PLXNA2: variants seen among roughly 807,000 people sequenced by gnomAD.
PLXNA2 encodes plexin A2.
PLXNA2 carries 91 observed loss-of-function variants against 193.5 expected under a neutral mutation model. The ratio of observed to expected loss-of-function variants is 0.47; its 90% CI spans 0.40 to 0.56. The LOEUF (loss-of-function observed/expected upper bound fraction) is 0.56. PLXNA2 is among the 20% of genes least tolerant of loss of function. The pLI is 0.00. For missense variants in PLXNA2, 1,995 were observed against 2,503.2 expected (o/e 0.80, Z 4.33); for synonymous variants, 997 against 1,027.3 (o/e 0.97, Z 0.56).
intron 3 of PLXNA2, among the ~76,000 whole-genome samples, chr1:208,204,747 C>T (rs1197555754): frequency 6.6e-6 from 1 of 152,186 alleles, no homozygotes; most frequent in African/African-American, 2.4e-5. Flanking sequence ...AAGGCCCCTG[C>T]CCTCAAAGAT....
intron 1 of PLXNA2, among the ~76,000 whole-genome samples, chr1:208,231,004 C>T (rs73082032): frequency 0.014 from 2,105 of 152,268 alleles, 53 homozygotes; most frequent in African/African-American, 0.048. Flanking sequence ...TAGAGACACT[C>T]GGCCTGAAGG....
At chr1:208,235,875 G>A (rs1350903926) in intron 1 of PLXNA2, among the ~76,000 whole-genome samples, 1 of 152,304 alleles carries the variant, frequency 6.6e-6, no homozygotes, top group Non-Finnish European at 1.5e-5. Flanking sequence ...CACTCAGAGT[G>A]GGGCGGTAGA....
chr1:208,118,576 C>G, intron 4 of PLXNA2, among the ~76,000 whole-genome samples: 1 of 151,956 alleles, frequency 6.6e-6, no homozygotes. Context: ...CACTTTGCAG[C>G]CTCCCCTCAC....
Position 208,098,985 on chromosome 1 carries a change from A to G in PLXNA2, c.1608-16T>C, listed in dbSNP as rs1030278470. 1 of 1,612,276 alleles carries G rather than the reference A, an allele frequency of 6.2e-7. No individual in the cohort carries two copies. Among genetic ancestry groups the G allele is most frequent in the African/African-American group, 1.3e-5 (1 of 74,896 alleles). On this transcript the variant is annotated splice_polypyrimidine_tract_variant and intron_variant, in intron 5 of 31. Transcript: ENST00000367033. ...GCGGGAGCACCTGCCATAAACACAG[A>G]TTCACAAGAGGTCAGGCCTCTGGGA... is the stretch of plus-strand genomic sequence containing the variant.
At chr1:208,076,879 A>G (rs1373539312) in intron 12 of PLXNA2, among the ~76,000 whole-genome samples, 2 of 152,194 alleles carry the variant, frequency 1.3e-5, no homozygotes, top group Non-Finnish European at 2.9e-5. Context: ...TACTGTGGTT[A>G]TGTAAGATGT....
intron 31 of PLXNA2, 26 bp downstream of exon 31, chr1:208,027,983 C>A: frequency 6.5e-7 from 1 of 1,527,984 alleles, no homozygotes; most frequent in Non-Finnish European, 8.8e-7. Flanking sequence ...CTGTTGGTTT[C>A]TGTCCCTGCT....
intron 3 of PLXNA2, among the ~76,000 whole-genome samples, chr1:208,144,256 A>G (rs12568656): frequency 0.12 from 18,815 of 152,162 alleles, 1,596 homozygotes; most frequent in Admixed American, 0.25. Context: ...GCATGGATGG[A>G]TGGATGGATG....
At chr1:208,226,446 C>T (rs1361328975) in intron 1 of PLXNA2, among the ~76,000 whole-genome samples, 1 of 152,136 alleles carries the variant, frequency 6.6e-6, no homozygotes, top group African/African-American at 2.4e-5. Flanking sequence ...TTTGTCCTCT[C>T]CACTCACAGG....
At chr1:208,165,372 C>A (rs1005408940) in intron 3 of PLXNA2, among the ~76,000 whole-genome samples, 4 of 152,138 alleles carry the variant, frequency 2.6e-5, no homozygotes, top group African/African-American at 9.7e-5. Flanking sequence ...TCACAGCATG[C>A]CTGTGAGGTG....
At chr1:208,071,149 G>A (rs1168135078) in intron 12 of PLXNA2, among the ~76,000 whole-genome samples, 1 of 152,216 alleles carries the variant, frequency 6.6e-6, no homozygotes, top group Non-Finnish European at 1.5e-5. Flanking sequence ...GGATACAGGA[G>A]AAACTAATGT....
At chr1:208,208,528 C>A (rs1010335950) in intron 3 of PLXNA2, among the ~76,000 whole-genome samples, 14 of 152,186 alleles carry the variant, frequency 9.2e-5, no homozygotes, top group Admixed American at 9.2e-4. Flanking sequence ...AGTGAACACT[C>A]GGTGACAGGA....
At chr1:208,042,051 A>G (rs1385568156) in intron 22 of PLXNA2, 47 bp downstream of exon 22, 4 of 1,590,476 alleles carry the variant, frequency 2.5e-6, no homozygotes, top group Non-Finnish European at 1.7e-6. Context: ...TGCTCTGTCC[A>G]GGTTCAGACT....
Position 208,215,840 on chromosome 1 carries a change from G to A in PLXNA2, c.1188+895C>T, listed in dbSNP as rs532308047. Among the ~76,000 whole-genome samples, 8 of 152,266 alleles carry A rather than the reference G, an allele frequency of 5.3e-5. No homozygotes were observed. The East Asian group carries it at 5.8e-4, about 11-fold the overall frequency. On this transcript the variant is annotated intron_variant, in intron 2 of 31. Coordinates refer to ENST00000367033, the MANE Select transcript of PLXNA2 (RefSeq NM_025179.4). ...TACTTTGATGGCAGCACCATGAGCC[G>A]CTGACAGGGCAGTGCTTGCCACTGA...
At chr1:208,183,075 A>G (rs969214539) in intron 3 of PLXNA2, among the ~76,000 whole-genome samples, 1 of 152,174 alleles carries the variant, frequency 6.6e-6, no homozygotes, top group African/African-American at 2.4e-5. Flanking sequence ...TAGGGAGGGA[A>G]AGTTCCTCTG....
chr1:208,043,126 G>A lies in PLXNA2; in HGVS notation c.3952C>T (p.Arg1318Cys), dbSNP rs371220095. Residue 1318 changes from arginine to cysteine, a missense_variant, in exon 21 of 32, where the codon CGT (arginine) becomes TGT (cysteine). Physicochemically the swap from Arg to Cys is radical, Grantham distance 180. Coordinates refer to ENST00000367033, the MANE Select transcript of PLXNA2 (RefSeq NM_025179.4). ...AACAGGACTCGCATAGCGTAGGTAC[G>A]ATAGTCCAGGTAAGGGATTCCTGAG... Reference protein sequence around the residue: ...DRSGIPYLDYRTYAMRVLFPG... With the variant: ...DRSGIPYLDYCTYAMRVLFPG... 31 of 1,614,124 alleles carry A rather than the reference G, an allele frequency of 1.9e-5. No homozygotes were observed. The highest frequency in any genetic ancestry group is 1.7e-5 in the Admixed American group (1 of 60,030).
At chr1:208,237,679 C>A (rs1020373715) in intron 1 of PLXNA2, among the ~76,000 whole-genome samples, 2 of 152,182 alleles carry the variant, frequency 1.3e-5, no homozygotes, top group Non-Finnish European at 2.9e-5. Flanking sequence ...ACCTCTGAGT[C>A]TCTCCTGGAA....
Position 208,023,820 on chromosome 1 carries a change from C to G in PLXNA2, c.*3423G>C, listed in dbSNP as rs966770461. The G allele has an allele frequency of 3.9e-5, 6 of 152,280 alleles. No homozygotes were observed. Among genetic ancestry groups the G allele is most frequent in the African/African-American group, 1.4e-4 (6 of 41,468 alleles). 9.4% of individuals were successfully genotyped at this position (152,280 alleles called of 1,614,324 possible). A position where few individuals can be genotyped will look rare whatever the true frequency, so the allele number is the denominator to read the frequency against. On this transcript the variant is annotated 3_prime_UTR_variant, in exon 32 of 32. Transcript: ENST00000367033. ...CATCTCTAGAGCAGTGGCTGGCAGA[C>G]AGTGGCTACTCAAGAAGGTTCCCAG...
At position 208,039,774 on chromosome 1, in the gene PLXNA2, G is replaced by C; in HGVS notation, c.4354-7C>G. 6.2e-7 allele frequency: 1 copy of C among 1,614,028 alleles called. No homozygotes were observed. The highest frequency in any genetic ancestry group is 8.5e-7 in the Non-Finnish European group (1 of 1,179,982). ...GTGGCTCCCCTGCGCACTCCTGTGG[G>C]CACAGACAGGGCAGGAGGTGTGGGC... On this transcript the variant is annotated splice_region_variant and splice_polypyrimidine_tract_variant and intron_variant, in intron 23 of 31. Coordinates refer to ENST00000367033, the MANE Select transcript of PLXNA2 (RefSeq NM_025179.4).
intron 4 of PLXNA2, among the ~76,000 whole-genome samples, chr1:208,118,088 T>C (rs996428389): frequency 6.6e-6 from 1 of 152,098 alleles, no homozygotes; most frequent in Non-Finnish European, 1.5e-5. Flanking sequence ...AGCACGTGGG[T>C]TGGGCACGAT....
Sources: allele counts gnomAD v4.1 joint callset (sites outside exome capture counted in the v4.1 genomes callset), GRCh38; gene constraint gnomAD v4.1.1; transcripts MANE v1.5; gene names NCBI Gene and HGNC (gene_info 2026-07-23, HGNC 2026-07-21).